Variants in FBRSL1 observed in about 807,000 individuals in gnomAD.
The protein encoded by FBRSL1 is fibrosin-1-like protein.
Under a neutral mutation model 89.6 loss-of-function variants are expected in FBRSL1, and 51 were observed. The ratio of observed to expected loss-of-function variants is 0.57; its 90% CI spans 0.45 to 0.72. FBRSL1 has a LOEUF of 0.72. FBRSL1 is among the 30% of genes least tolerant of loss of function. The pLI is 0.00. For missense variants in FBRSL1, 1,618 were observed against 1,451.8 expected (o/e 1.11, Z -1.86); for synonymous variants, 779 against 681.1 (o/e 1.14, Z -2.24).
intron 1 of FBRSL1, among the ~76,000 whole-genome samples, chr12:132,504,291 C>T (rs777642485): frequency 1.1e-4 from 16 of 152,304 alleles, no homozygotes; most frequent in South Asian, 2.1e-4. Context: ...TTTATCTCTC[C>T]GTGTCTGGTT....
chr12:132,574,603 C>T (rs771246789), intron 14 of FBRSL1, 39 bp downstream of exon 14: 85 of 1,538,664 alleles, frequency 5.5e-5, no homozygotes, highest in African/African-American at 5.5e-4. Flanking sequence ...CTTGTGAACC[C>T]GACTCCAGCC....
rs116845820 is a variant in FBRSL1, at chr12:132,531,611, G to T, written c.615+3623G>T. Among the ~76,000 whole-genome samples the T allele has an allele frequency of 0.012, 1,773 of 152,282 alleles. 45 individuals are homozygous for T. The East Asian group carries it at 0.12, about 10-fold the overall frequency. ...CTGTGTTTGTGTGTTTGCATGCTGTGCATGTGGCATTGTGTTGTGCACATG... is the reference window on the plus strand; with the variant it reads ...CTGTGTTTGTGTGTTTGCATGCTGTTCATGTGGCATTGTGTTGTGCACATG... On this transcript the variant is annotated intron_variant, in intron 4 of 18. Transcript: ENST00000680143.
intron 4 of FBRSL1, among the ~76,000 whole-genome samples, chr12:132,530,223 G>C (rs1275239305): frequency 1.3e-5 from 2 of 152,196 alleles, no homozygotes; most frequent in East Asian, 3.8e-4. Context: ...ACCAGCTCCT[G>C]GTGTGCGTGT....
chr12:132,571,571 G>A (rs1319865722), intron 9 of FBRSL1: 16 of 1,250,552 alleles, frequency 1.3e-5, no homozygotes, highest in South Asian at 8.3e-5. Flanking sequence ...GGCGTGGGGC[G>A]GGGACACGCA....
At chr12:132,576,959 G>A (rs1436822617) in intron 15 of FBRSL1, 28 bp downstream of exon 15, 17 of 1,539,596 alleles carry the variant, frequency 1.1e-5, no homozygotes, top group African/African-American at 1.4e-5. Context: ...CCAGGTGGGG[G>A]GCACAGAAAC....
intron 4 of FBRSL1, among the ~76,000 whole-genome samples, chr12:132,534,719 G>A (rs534136775): frequency 3.5e-4 from 53 of 152,372 alleles, no homozygotes; most frequent in Non-Finnish European, 6.6e-4. Flanking sequence ...TGGCTTTGCT[G>A]ACGTGCCTGG....
At chr12:132,549,845 G>A (rs1032459258) in intron 5 of FBRSL1, among the ~76,000 whole-genome samples, 3 of 152,226 alleles carry the variant, frequency 2.0e-5, no homozygotes, top group African/African-American at 2.4e-5. Context: ...GCCCCTGCCC[G>A]GGCCTGGGCT....
In FBRSL1 at chr12:132,570,398, C is replaced by T. The variant is rs1270456479; in HGVS notation, c.1071C>T (p.Gly357=). 6.5e-7 allele frequency: 1 copy of T among 1,534,700 alleles called. No homozygotes were observed. Among genetic ancestry groups the T allele is most frequent in the Non-Finnish European group, 8.7e-7 (1 of 1,145,696 alleles). ...KHVSLSPHGP[G]PHLSTSHLAL... is the part of the protein sequence containing the mutation. ...TGTCGCTGTCGCCACACGGGCCGGG[C>T]CCCCACCTGTCTACCTCACACCTGG... The change falls in exon 8 of 19, where the codon GGC becomes GGT. Residue 357 remains glycine (G), a synonymous_variant. Coordinates refer to ENST00000680143, the MANE Select transcript of FBRSL1 (RefSeq NM_001367871.1).
chr12:132,547,227 G>C (rs1254930331), intron 4 of FBRSL1, among the ~76,000 whole-genome samples: 1 of 147,816 alleles, frequency 6.8e-6, no homozygotes, highest in Non-Finnish European at 1.5e-5. Flanking sequence ...TGTGTTCTTC[G>C]TAGGGCTCTG....
intron 4 of FBRSL1, among the ~76,000 whole-genome samples, chr12:132,535,011 C>T (rs906933397): frequency 2.6e-5 from 4 of 152,260 alleles, no homozygotes; most frequent in Admixed American, 6.5e-5. Context: ...AGGAGGGTGG[C>T]ACAGGCAGTG....
At chr12:132,556,231 T>G (rs1044418019) in intron 5 of FBRSL1, among the ~76,000 whole-genome samples, 5 of 152,184 alleles carry the variant, frequency 3.3e-5, no homozygotes, top group Admixed American at 2.6e-4. Flanking sequence ...GGGCTCCCCC[T>G]GATGCTGCCC....
chr12:132,575,276 G>A (rs2040309657), intron 14 of FBRSL1, among the ~76,000 whole-genome samples: 1 of 152,210 alleles, frequency 6.6e-6, no homozygotes, highest in South Asian at 2.1e-4. Flanking sequence ...CGCCCAGGCT[G>A]GAGTGCAGTG....
At chr12:132,491,281 C>A (rs1290192978) in intron 1 of FBRSL1, among the ~76,000 whole-genome samples, 1 of 152,182 alleles carries the variant, frequency 6.6e-6, no homozygotes, top group Non-Finnish European at 1.5e-5. Flanking sequence ...TTCCCTCCTC[C>A]CTTCGAGGGC....
At position 132,499,675 on chromosome 12, in the gene FBRSL1, G is replaced by A. The variant is rs997110508; in HGVS notation, c.292-8478G>A. On this transcript the variant is annotated intron_variant, in intron 1 of 18. Transcript: ENST00000680143. The surrounding 1 kb of genome is among the most constrained non-coding windows in gnomAD (Gnocchi z 4.3). Reference sequence around the variant, plus strand: ...GTACAGGTTTGGGGTGCCGGTGGCAGGCAGGCTGGAGACAGCTGGGGGCTG... The same window carrying A: ...GTACAGGTTTGGGGTGCCGGTGGCAAGCAGGCTGGAGACAGCTGGGGGCTG... Among the ~76,000 whole-genome samples, 8 of 151,958 alleles carry A rather than the reference G, an allele frequency of 5.3e-5. No individual in the cohort carries two copies.
chr12:132,525,976 C>T (rs565919192), intron 3 of FBRSL1, among the ~76,000 whole-genome samples, 153 bp downstream of exon 3: 1 of 151,822 alleles, frequency 6.6e-6, no homozygotes, highest in Non-Finnish European at 1.5e-5. Context: ...CTGCCCGCTG[C>T]ACCCTGCACA....
chr12:132,560,472 G>C (rs1015830703), intron 5 of FBRSL1, among the ~76,000 whole-genome samples: 1 of 152,008 alleles, frequency 6.6e-6, no homozygotes, highest in Non-Finnish European at 1.5e-5. Context: ...GGGTCCGGGG[G>C]TGGAGGCGGG....
chr12:132,527,678 G>A (rs1403589997), intron 3 of FBRSL1, among the ~76,000 whole-genome samples: 1 of 148,734 alleles, frequency 6.7e-6, no homozygotes, highest in African/African-American at 2.5e-5. Flanking sequence ...CTGCGGGGCT[G>A]TGGGGCAGGG....
Position 132,508,263 on chromosome 12 carries a change from G to A in FBRSL1, c.402G>A (p.Arg134=). 1 of 1,550,788 alleles carries A rather than the reference G, an allele frequency of 6.4e-7. No homozygotes were observed. Among genetic ancestry groups the A allele is most frequent in the Non-Finnish European group, 8.7e-7 (1 of 1,146,908 alleles). ...TCPPAEPSEN[R]RPLEAGSPGQ... ...CCCCTGCGGAGCCCAGTGAGAACAGGCGGCCCCTGGAGGCAGGCAGCCCCG... is the reference window on the plus strand; with the variant it reads ...CCCCTGCGGAGCCCAGTGAGAACAGACGGCCCCTGGAGGCAGGCAGCCCCG... Residue 134 remains arginine, a synonymous_variant, in exon 2 of 19, where the codon AGG becomes AGA. Transcript: ENST00000680143.
intron 4 of FBRSL1, among the ~76,000 whole-genome samples, chr12:132,536,074 T>C (rs1175884918): frequency 6.9e-6 from 1 of 144,506 alleles, no homozygotes; most frequent in African/African-American, 2.6e-5. Flanking sequence ...CATGATAGTG[T>C]GTTCTGTGTG....
Sources: gnomAD v4.1 joint callset for allele counts (sites outside exome capture counted in the v4.1 genomes callset) on GRCh38, gnomAD v4.1.1 for gene constraint, Gnocchi (gnomAD v3.1) non-coding constraint, MANE v1.5 for transcripts, NCBI Gene and HGNC (gene_info 2026-07-23, HGNC 2026-07-21) for gene names.